Variants in POLQ observed in about 807,000 individuals in gnomAD.
The protein encoded by POLQ is epididymis secretory sperm binding protein.
POLQ carries 233 observed loss-of-function variants against 259.2 expected under a neutral mutation model. The ratio of observed to expected loss-of-function variants is 0.90; its 90% confidence interval spans 0.81 to 1.00. The LOEUF (loss-of-function observed/expected upper bound fraction) is 1.00. POLQ is among the 50% of genes least tolerant of loss of function. The pLI is 0.00. For missense variants in POLQ, 2,871 were observed against 3,051.6 expected, an observed-to-expected ratio of 0.94 and a Z score of 1.39; for synonymous variants, 1,025 against 1,048.8, an observed-to-expected ratio of 0.98 and a Z score of 0.44.
chr3:121,515,840 GA>G (rs1281675874), intron 9 of POLQ, among the ~76,000 whole-genome samples: 3 of 152,160 alleles, frequency 2.0e-5, no homozygotes, highest in East Asian at 1.9e-4. Context: ...CTAAAGAAAT[GA>G]AGATCTGTGA....
At chr3:121,459,716 C>A (rs1394245238) in intron 25 of POLQ, among the ~76,000 whole-genome samples, 1 of 152,164 alleles carries the variant, frequency 6.6e-6, no homozygotes, top group Non-Finnish European at 1.5e-5. Flanking sequence ...TATGTGCACA[C>A]ATGCGGGTGT....
intron 21 of POLQ, among the ~76,000 whole-genome samples, chr3:121,472,755 A>T (rs2047895631): frequency 6.6e-6 from 1 of 152,186 alleles, no homozygotes; most frequent in African/African-American, 2.4e-5. Flanking sequence ...TATAAGGACC[A>T]CAATTCTACA....
chr3:121,526,307 T>C (rs1289702439), intron 7 of POLQ, among the ~76,000 whole-genome samples: 3 of 152,244 alleles, frequency 2.0e-5, no homozygotes, highest in South Asian at 2.1e-4. Flanking sequence ...CCAGTCCTTC[T>C]TGTACAACCA....
intron 24 of POLQ, among the ~76,000 whole-genome samples, chr3:121,467,080 G>A (rs1205450257): frequency 2.6e-5 from 4 of 152,170 alleles, no homozygotes; most frequent in Non-Finnish European, 5.9e-5. Context: ...ATAGGAAGCA[G>A]CAGTGCAGAA....
intron 13 of POLQ, 23 bp from the exon 14 acceptor site, chr3:121,496,955 G>T: frequency 1.2e-6 from 2 of 1,610,290 alleles, no homozygotes; most frequent in Non-Finnish European, 1.7e-6. Flanking sequence ...CATCAAAAGC[G>T]TGGTAAGAGA....
intron 15 of POLQ, among the ~76,000 whole-genome samples, chr3:121,491,346 C>CAAAAA (rs3045625): frequency 5.2e-3 from 409 of 77,944 alleles, no homozygotes; most frequent in Non-Finnish European, 6.0e-3. Flanking sequence ...GAGACTGTCA[C>CAAAAA]AAAAAAAAAA....
intron 16 of POLQ, among the ~76,000 whole-genome samples, chr3:121,486,599 C>T (rs570147702): frequency 6.6e-6 from 1 of 152,140 alleles, no homozygotes; most frequent in East Asian, 1.9e-4. Flanking sequence ...CGCAGTGGCT[C>T]ATGCCGGTAA....
chr3:121,533,076 G>C lies in POLQ; in HGVS notation c.874C>G (p.Leu292Val). 6.2e-7 allele frequency: 1 copy of C among 1,613,966 alleles called. No homozygotes were observed. The highest frequency in any genetic ancestry group is 8.5e-7 in the Non-Finnish European group (1 of 1,179,940). The stretch of plus-strand genomic sequence containing the variant: ...TTTCCAACTTTTACTGACTCCAAAA[G>C]CGGTACAGGGCGAAAGTCGGTATGG... ...LYHTDFRPVP[L>V]LESVKVGNSI... The change falls in exon 6 of 30, where the codon CTT becomes GTT. Residue 292 changes from leucine to valine, a missense_variant. Around this residue, in one of 3 missense-constraint regions of POLQ, gnomAD observed 783 missense variants for 906.2 expected, o/e 0.86. Coordinates refer to ENST00000264233, the MANE Select transcript of POLQ (RefSeq NM_199420.4).
chr3:121,516,993 C>T (rs1056951636), intron 9 of POLQ, among the ~76,000 whole-genome samples: 1 of 152,098 alleles, frequency 6.6e-6, no homozygotes, highest in Non-Finnish European at 1.5e-5. Context: ...GATAATTAGC[C>T]CAGGGCACTA....
intron 27 of POLQ, among the ~76,000 whole-genome samples, chr3:121,437,008 T>C (rs1204579855): frequency 6.6e-6 from 1 of 151,724 alleles, no homozygotes; most frequent in East Asian, 1.9e-4. Context: ...TCTAAGAAAA[T>C]GAAAAAGGTC....
intron 24 of POLQ, among the ~76,000 whole-genome samples, chr3:121,462,967 T>TTC (rs1263600479): frequency 1.3e-5 from 2 of 152,248 alleles, no homozygotes; most frequent in Non-Finnish European, 2.9e-5. Flanking sequence ...AACGTCCGCA[T>TTC]ACTAGCAGCA....
chr3:121,491,898 C>T (rs1017581659), intron 15 of POLQ, among the ~76,000 whole-genome samples: 4 of 152,060 alleles, frequency 2.6e-5, no homozygotes, highest in South Asian at 2.1e-4. Flanking sequence ...GCCTGAGCTC[C>T]GCCTCCTGTC....
At chr3:121,506,702 T>C (rs899765063) in intron 12 of POLQ, among the ~76,000 whole-genome samples, 4 of 152,200 alleles carry the variant, frequency 2.6e-5, no homozygotes, top group African/African-American at 9.7e-5. Flanking sequence ...GGTTTTACAT[T>C]TCACTCTTTG....
chr3:121,469,786 A>G (rs1048910191), intron 22 of POLQ, among the ~76,000 whole-genome samples: 1 of 152,266 alleles, frequency 6.6e-6, no homozygotes, highest in Admixed American at 6.5e-5. Context: ...AAGTATATTC[A>G]TGAAATGGCT....
intron 12 of POLQ, among the ~76,000 whole-genome samples, chr3:121,508,287 A>G (rs1292069254): frequency 6.6e-6 from 1 of 152,210 alleles, no homozygotes; most frequent in East Asian, 1.9e-4. Context: ...GAGTAGGAGT[A>G]GTTAGGTAAT....
At chr3:121,513,125 C>A (rs891437642) in intron 9 of POLQ, among the ~76,000 whole-genome samples, 1 of 148,856 alleles carries the variant, frequency 6.7e-6, no homozygotes, top group Non-Finnish European at 1.5e-5. Flanking sequence ...ATGAAGAATA[C>A]TTTTTTTTTT....
chr3:121,507,427 A>G (rs2048217533), intron 12 of POLQ, among the ~76,000 whole-genome samples: 1 of 152,176 alleles, frequency 6.6e-6, no homozygotes, highest in Admixed American at 6.5e-5. Flanking sequence ...GTGAAGTTAG[A>G]TATTAAAGAT....
In POLQ at chr3:121,432,373, C is replaced by T; in HGVS notation, c.7704G>A (p.Leu2568=). Residue 2568 remains leucine, a synonymous_variant, in exon 30 of 30, where the codon CTG becomes CTA. Transcript: ENST00000264233. ...TCACTTTCACTTTCAATTTCACAGA[C>T]AGTTTTACAGCACTTTCCATTTCAT... The part of the protein sequence containing the change: ...VKNEMESAVK[L]SVKLKVKVKI... 2 of 1,610,522 alleles carry T rather than the reference C, an allele frequency of 1.2e-6. No individual in the cohort carries two copies. Among genetic ancestry groups the T allele is most frequent in the Non-Finnish European group, 1.7e-6 (2 of 1,178,232 alleles).
chr3:121,448,757 T>C (rs1440065024), intron 26 of POLQ, among the ~76,000 whole-genome samples: 1 of 152,172 alleles, frequency 6.6e-6, no homozygotes, highest in Non-Finnish European at 1.5e-5. Context: ...TTTGGGATGA[T>C]AGAGTAATGG....
Sources: gnomAD v4.1 joint callset for allele counts (sites outside exome capture counted in the v4.1 genomes callset) on GRCh38, gnomAD v4.1.1 for gene constraint, gnomAD v4.1.1 regional missense constraint, MANE v1.5 for transcripts, NCBI Gene and HGNC (gene_info 2026-07-23, HGNC 2026-07-21) for gene names.